SCYL3: variants seen among roughly 807,000 people sequenced by gnomAD.
The protein encoded by SCYL3 is SCY1 like pseudokinase 3, also known as protein-associating with the carboxyl-terminal domain of ezrin.
Under a neutral mutation model 73.8 loss-of-function variants are expected in SCYL3, and 35 were observed. The ratio of observed to expected loss-of-function variants is 0.47; its 90% confidence interval spans 0.36 to 0.63. SCYL3 has a LOEUF of 0.63. Ranked by LOEUF, SCYL3 falls within the 20% of genes least tolerant of loss-of-function variation. SCYL3 has a pLI of 0.00. For missense variants in SCYL3, 712 were observed against 798.9 expected (o/e 0.89, Z 1.31); for synonymous variants, 277 against 295.2 (o/e 0.94, Z 0.63).
chr1:169,882,503 G>A (rs912944040), intron 2 of SCYL3, among the ~76,000 whole-genome samples: 9 of 152,228 alleles, frequency 5.9e-5, no homozygotes, highest in African/African-American at 2.2e-4. Context: ...CGGGCACATG[G>A]CGTGGGACTG....
chr1:169,887,410 T>A (rs1661759063), intron 2 of SCYL3, among the ~76,000 whole-genome samples: 1 of 152,020 alleles, frequency 6.6e-6, no homozygotes, highest in Non-Finnish European at 1.5e-5. Flanking sequence ...AACACAATTT[T>A]AAAAAAATCT....
chr1:169,873,194 G>A (rs1283876087), intron 5 of SCYL3, among the ~76,000 whole-genome samples: 4 of 152,124 alleles, frequency 2.6e-5, no homozygotes, highest in Admixed American at 6.5e-5. Context: ...CTCCTGTGCT[G>A]TTCTGGTAAT....
chr1:169,856,800 T>C (rs1659212170), intron 11 of SCYL3, among the ~76,000 whole-genome samples: 1 of 152,230 alleles, frequency 6.6e-6, no homozygotes, highest in Non-Finnish European at 1.5e-5. Flanking sequence ...TCAAGCTCTT[T>C]GCAGCCATGA....
chr1:169,882,505 G>A (rs774556095), intron 2 of SCYL3, among the ~76,000 whole-genome samples: 21 of 152,328 alleles, frequency 1.4e-4, no homozygotes, highest in Non-Finnish European at 2.2e-4. Context: ...GGCACATGGC[G>A]TGGGACTGGC....
chr1:169,859,597 G>T (rs1246399434), intron 10 of SCYL3, among the ~76,000 whole-genome samples: 2 of 152,080 alleles, frequency 1.3e-5, no homozygotes, highest in African/African-American at 4.8e-5. Context: ...ACTCATCTAG[G>T]GTACTAACAG....
At chr1:169,884,793 G>T (rs929928227) in intron 2 of SCYL3, among the ~76,000 whole-genome samples, 2 of 152,200 alleles carry the variant, frequency 1.3e-5, no homozygotes, top group Non-Finnish European at 2.9e-5. Context: ...AGGAGAAGAA[G>T]AAATGACTCA....
intron 1 of SCYL3, among the ~76,000 whole-genome samples, chr1:169,893,064 T>C (rs1032580339): frequency 6.6e-6 from 1 of 152,142 alleles, no homozygotes; most frequent in East Asian, 1.9e-4. Context: ...CAATACACAA[T>C]TAAGTCTTTA....
intron 2 of SCYL3, among the ~76,000 whole-genome samples, chr1:169,882,324 G>T (rs935732767): frequency 6.6e-6 from 1 of 152,316 alleles, no homozygotes; most frequent in East Asian, 1.9e-4. Context: ...TCATTTTCTC[G>T]CCGGGCCTTA....
intron 6 of SCYL3, 53 bp from the exon 7 acceptor site, chr1:169,869,092 C>T: frequency 1.4e-6 from 2 of 1,437,828 alleles, no homozygotes; most frequent in Non-Finnish European, 1.9e-6. Flanking sequence ...CTTTTCAGGA[C>T]CTCTATAGCT....
chr1:169,874,293 G>A (rs865836526), intron 4 of SCYL3, among the ~76,000 whole-genome samples: 1 of 152,124 alleles, frequency 6.6e-6, no homozygotes, highest in Non-Finnish European at 1.5e-5. Flanking sequence ...ACATCATTTA[G>A]GACACTAGGA....
Position 169,852,662 on chromosome 1 carries a change from G to C in SCYL3, c.*1051C>G. 1 of 936,718 alleles carries C rather than the reference G, an allele frequency of 1.1e-6. No individual in the cohort carries two copies. Among genetic ancestry groups the C allele is most frequent in the Non-Finnish European group, 1.6e-6 (1 of 623,664 alleles). The allele number at this position is 936,718 out of a possible 1,614,324, so 58.0% of individuals were successfully genotyped here. A position where few individuals can be genotyped will look rare whatever the true frequency, so the allele number is the denominator to read the frequency against. On this transcript the variant is annotated 3_prime_UTR_variant, in exon 13 of 13. Coordinates refer to ENST00000367771, the MANE Select transcript of SCYL3 (RefSeq NM_020423.7). ...TAGATGACTGTGTAGGGGTTTTGGG[G>C]TGCATCCTCCTACCCTTGTGATCCA...
chr1:169,864,721 C>T (rs955306887), intron 8 of SCYL3, among the ~76,000 whole-genome samples: 6 of 152,034 alleles, frequency 3.9e-5, no homozygotes, highest in Admixed American at 3.3e-4. Context: ...GCACTTTGGG[C>T]GGCCGCGGCG....
intron 8 of SCYL3, among the ~76,000 whole-genome samples, chr1:169,865,840 GCTCT>G (rs1036049232): frequency 1.3e-5 from 2 of 152,010 alleles, no homozygotes; most frequent in Admixed American, 1.3e-4. Flanking sequence ...AGCCTTCCTA[GCTCT>G]CTGAGTCTCC....
In SCYL3 at chr1:169,852,017, T is replaced by A; in HGVS notation, c.*1696A>T. On this transcript the variant is annotated 3_prime_UTR_variant, in exon 13 of 13. Transcript: ENST00000367771. ...TACTTACTGACGAAACAAACCAGTG[T>A]GGTTTCCAGCCTTATGCTGAATTTC... 1 of 1,592,670 alleles carries A rather than the reference T, an allele frequency of 6.3e-7. No individual in the cohort carries two copies. Among genetic ancestry groups the A allele is most frequent in the Non-Finnish European group, 8.6e-7 (1 of 1,163,734 alleles).
At chr1:169,870,403 G>A (rs1243018521) in intron 5 of SCYL3, 46 bp from the exon 6 acceptor site, 2 of 1,350,216 alleles carry the variant, frequency 1.5e-6, no homozygotes, top group Admixed American at 3.8e-5. Context: ...TGCCTTATAA[G>A]CCATTTCTAA....
chr1:169,873,068 A>G (rs1200835984), intron 5 of SCYL3, among the ~76,000 whole-genome samples: 1 of 152,146 alleles, frequency 6.6e-6, no homozygotes, highest in Non-Finnish European at 1.5e-5. Context: ...GGGAGGGGCC[A>G]GGGGAGGAAT....
chr1:169,860,218 T>C (rs1294097711), intron 10 of SCYL3, among the ~76,000 whole-genome samples: 3 of 152,394 alleles, frequency 2.0e-5, no homozygotes, highest in African/African-American at 4.8e-5. Flanking sequence ...CCAGCTGCAC[T>C]TGATTTCCAT....
intron 10 of SCYL3, among the ~76,000 whole-genome samples, chr1:169,862,161 G>A (rs2102149912): frequency 6.6e-6 from 1 of 152,318 alleles, no homozygotes; most frequent in Non-Finnish European, 1.5e-5. Flanking sequence ...GGCAGCCTAA[G>A]CAACTAATAC....
chr1:169,879,013 AAT>A (rs919678247), intron 2 of SCYL3, among the ~76,000 whole-genome samples, 194 bp from the exon 3 acceptor site: 2 of 152,210 alleles, frequency 1.3e-5, no homozygotes, highest in African/African-American at 4.8e-5. Flanking sequence ...TCAATTTACT[AAT>A]ATTTAAATGG....
Sources: allele counts gnomAD v4.1 joint callset (sites outside exome capture counted in the v4.1 genomes callset), GRCh38; gene constraint gnomAD v4.1.1; transcripts MANE v1.5; gene names NCBI Gene and HGNC (gene_info 2026-07-23, HGNC 2026-07-21).